EYS: variants seen among roughly 807,000 people sequenced by gnomAD.
EYS encodes the protein EGF-like photoreceptor maintenance factor, also known as protein eyes shut homolog.
EYS carries 250 observed loss-of-function variants against 282.1 expected under a neutral mutation model. The observed-to-expected ratio is 0.89, with a 90% CI of 0.80 to 0.98. The LOEUF is 0.98. EYS is among the 50% of genes least tolerant of loss of function. EYS has a pLI of 0.00. For missense variants in EYS, 4,016 were observed against 3,709.0 expected (o/e 1.08, Z -2.15); for synonymous variants, 1,355 against 1,282.9 (o/e 1.06, Z -1.20).
intron 30 of EYS, among the ~76,000 whole-genome samples, chr6:64,269,325 A>G (rs1222527273): frequency 6.6e-6 from 1 of 152,162 alleles, no homozygotes; most frequent in Non-Finnish European, 1.5e-5. Context: ...TGCGACTAAC[A>G]TAGAATAATT....
At chr6:64,491,458 T>G (rs1041961861) in intron 26 of EYS, among the ~76,000 whole-genome samples, 4 of 151,108 alleles carry the variant, frequency 2.6e-5, no homozygotes, top group African/African-American at 7.2e-5. Context: ...TTCAGAAATA[T>G]TTTTACTGAA....
intron 33 of EYS, 76 bp downstream of exon 33, chr6:64,066,262 A>G: frequency 1.5e-6 from 2 of 1,318,144 alleles, no homozygotes; most frequent in African/African-American, 1.5e-5. Context: ...TGGGTGACAG[A>G]GCAAGACTCC....
At chr6:64,040,248 G>T (rs938795108) in intron 33 of EYS, among the ~76,000 whole-genome samples, 1 of 152,136 alleles carries the variant, frequency 6.6e-6, no homozygotes, top group Non-Finnish European at 1.5e-5. Context: ...TCTGTCTTTT[G>T]TGCTTGTGGT....
At chr6:64,921,950 T>G (rs527319525) in intron 15 of EYS, among the ~76,000 whole-genome samples, 50 of 151,908 alleles carry the variant, frequency 3.3e-4, no homozygotes, top group Middle Eastern at 3.4e-3. Flanking sequence ...GATGAAAAAT[T>G]TTAAAAAACA....
At chr6:65,165,271 A>G (rs1205358131) in intron 12 of EYS, among the ~76,000 whole-genome samples, 4 of 148,936 alleles carry the variant, frequency 2.7e-5, no homozygotes, top group Non-Finnish European at 6.0e-5. Context: ...AGCTTTGCAT[A>G]TATTTAAGTT....
chr6:63,863,920 C>T (rs141180092), intron 36 of EYS, among the ~76,000 whole-genome samples: 2 of 152,110 alleles, frequency 1.3e-5, no homozygotes, highest in South Asian at 2.1e-4. Context: ...GTGATCCACC[C>T]GCCTCAGCGT....
At chr6:65,169,136 C>CAT (rs1434232086) in intron 12 of EYS, among the ~76,000 whole-genome samples, 1 of 151,310 alleles carries the variant, frequency 6.6e-6, no homozygotes, top group Admixed American at 6.6e-5. Flanking sequence ...TGGGATAATT[C>CAT]ATATATATGT....
At chr6:65,026,916 C>CAA (rs1260312589) in intron 13 of EYS, among the ~76,000 whole-genome samples, 2 of 107,832 alleles carry the variant, frequency 1.9e-5, no homozygotes, top group African/African-American at 3.3e-5. Context: ...GACTCCGTCT[C>CAA]AAAAAAAAAA....
At chr6:64,843,149 T>C (rs1201659280) in intron 19 of EYS, among the ~76,000 whole-genome samples, 1 of 152,062 alleles carries the variant, frequency 6.6e-6, no homozygotes, top group Non-Finnish European at 1.5e-5. Flanking sequence ...TGTATGGAAA[T>C]GCCTGGATGC....
At chr6:65,474,423 G>A (rs1159225754) in intron 5 of EYS, among the ~76,000 whole-genome samples, 1 of 152,048 alleles carries the variant, frequency 6.6e-6, no homozygotes, top group Non-Finnish European at 1.5e-5. Flanking sequence ...TATCCTAAAT[G>A]AGCTTCTATA....
chr6:64,478,547 CTA>C (rs1475272612), intron 26 of EYS, among the ~76,000 whole-genome samples: 1 of 150,974 alleles, frequency 6.6e-6, no homozygotes, highest in Non-Finnish European at 1.5e-5. Context: ...TTTTTAACTT[CTA>C]TTTTTGTCTG....
chr6:65,511,876 G>A (rs533300050), intron 2 of EYS, among the ~76,000 whole-genome samples: 1 of 150,750 alleles, frequency 6.6e-6, no homozygotes, highest in Non-Finnish European at 1.5e-5. Context: ...AGCTACTTGA[G>A]AGGCTGAGGC....
rs1193759865 is a variant in EYS at position 65,204,907 on chromosome 6, ATTTATATATTC to A, written c.2023+90945_2023+90955del. Among the ~76,000 whole-genome samples, 285 of 113,028 alleles carry A rather than the reference ATTTATATATTC, an allele frequency of 2.5e-3. 6 individuals carry two copies. Among genetic ancestry groups the A allele is most frequent in the African/African-American group, 8.9e-3 (242 of 27,242 alleles). The allele number at this position is 113,028 out of a possible 152,430, so 74.2% of individuals were successfully genotyped here. ...GTATTTATATATTCTGGAAGAATGTATTTATATATTCTTTATATATTCTAGAAGAATATATT... is the reference window on the plus strand; with the variant it reads ...GTATTTATATATTCTGGAAGAATGTATTTATATATTCTAGAAGAATATATT... On this transcript the variant is annotated intron_variant, in intron 12 of 42. Transcript: ENST00000503581.
At chr6:64,251,434 C>T (rs548923189) in intron 30 of EYS, among the ~76,000 whole-genome samples, 27 of 152,050 alleles carry the variant, frequency 1.8e-4, no homozygotes, top group Non-Finnish European at 4.0e-4. Context: ...TCTTGTTTTA[C>T]TGAGTGTATT....
At chr6:63,848,823 A>G (rs1772167977) in intron 36 of EYS, among the ~76,000 whole-genome samples, 1 of 152,122 alleles carries the variant, frequency 6.6e-6, no homozygotes, top group Non-Finnish European at 1.5e-5. Flanking sequence ...CTGGAACCCC[A>G]GCGAGACAGA....
At chr6:64,739,825 G>A (rs954472316) in intron 22 of EYS, among the ~76,000 whole-genome samples, 1 of 151,954 alleles carries the variant, frequency 6.6e-6, no homozygotes, top group East Asian at 1.9e-4. Context: ...AACCCTATTA[G>A]GGTTCCTTCA....
chr6:64,305,139 T>G (rs1367613179), intron 30 of EYS, among the ~76,000 whole-genome samples: 1 of 152,216 alleles, frequency 6.6e-6, no homozygotes, highest in Non-Finnish European at 1.5e-5. Context: ...AAATTGATTT[T>G]GTAATTACTT....
rs553016826 is a variant in EYS, at chr6:65,338,158, C to T, written c.1600-3012G>A. On this transcript the variant is annotated intron_variant, in intron 10 of 42. Transcript: ENST00000503581. ...AATTATTTTATGCTGCAGTTATGTA[C>T]TATATCTAAAAACTATTGCAAGTAA... Among the ~76,000 whole-genome samples the T allele has an allele frequency of 6.0e-5, 9 of 151,204 alleles. No individual in the cohort carries two copies. In the South Asian group the frequency reaches 1.9e-3, roughly 31 times the overall value.
intron 40 of EYS, among the ~76,000 whole-genome samples, chr6:63,772,473 A>T (rs1328618510): frequency 6.6e-6 from 1 of 152,080 alleles, no homozygotes; most frequent in Non-Finnish European, 1.5e-5. Context: ...ATATAATGCT[A>T]TTTGGGTATT....
Sources: allele counts gnomAD v4.1 joint callset (sites outside exome capture counted in the v4.1 genomes callset), GRCh38; gene constraint gnomAD v4.1.1; transcripts MANE v1.5; gene names NCBI Gene and HGNC (gene_info 2026-07-23, HGNC 2026-07-21).